Variants in MFAP3L observed in about 807,000 individuals in gnomAD.
The protein encoded by MFAP3L is microfibril associated protein 3 like, also known as microfibrillar-associated protein 3-like.
Under a neutral mutation model 20.0 loss-of-function variants are expected in MFAP3L, and 5 were observed. The observed-to-expected ratio is 0.25, with a 90% CI of 0.13 to 0.53. The LOEUF (loss-of-function observed/expected upper bound fraction) is 0.53, where lower values mean the gene tolerates loss of function less well. Ranked by LOEUF, MFAP3L falls within the 20% of genes least tolerant of loss-of-function variation. The pLI is 0.96. For missense variants in MFAP3L, 409 were observed against 527.5 expected (o/e 0.78, Z 2.20); for synonymous variants, 219 against 213.0 (o/e 1.03, Z -0.25).
chr4:170,018,276 C>G (rs575980374), intron 1 of MFAP3L, among the ~76,000 whole-genome samples: 1 of 152,130 alleles, frequency 6.6e-6, no homozygotes, highest in African/African-American at 2.4e-5. Flanking sequence ...GAAAGAAACA[C>G]GGCACGCAAG....
chr4:170,019,013 A>T (rs1739869628), intron 1 of MFAP3L, among the ~76,000 whole-genome samples: 1 of 152,236 alleles, frequency 6.6e-6, no homozygotes, highest in Admixed American at 6.5e-5. Flanking sequence ...CATCCTGGGC[A>T]GTAAAGACCT....
chr4:170,022,779 G>A lies in MFAP3L; in HGVS notation c.-134+3455C>T, dbSNP rs183584393. Among the ~76,000 whole-genome samples the A allele has an allele frequency of 2.7e-3, 414 of 152,268 alleles. 1 individual carries two copies. Among genetic ancestry groups the A allele is most frequent in the Non-Finnish European group, 4.4e-3 (297 of 68,026 alleles). On this transcript the variant is annotated intron_variant, in intron 1 of 2. Coordinates refer to ENST00000361618, the MANE Select transcript of MFAP3L (RefSeq NM_021647.8). ...AAGACGGATGGGGCTACAAAACAAGGAATGGGGGTGGCCTCTAGAAGGTGG... is the reference window on the plus strand; with the variant it reads ...AAGACGGATGGGGCTACAAAACAAGAAATGGGGGTGGCCTCTAGAAGGTGG...
Position 169,987,762 on chromosome 4 carries a change from A to T in MFAP3L, c.*3616T>A, listed in dbSNP as rs1160837906. 6.6e-6 allele frequency: 1 copy of T among 152,198 alleles called. No individual in the cohort carries two copies. Among genetic ancestry groups the T allele is most frequent in the African/African-American group, 2.4e-5 (1 of 41,436 alleles). The allele number at this position is 152,198 out of a possible 1,614,324, so 9.4% of individuals were successfully genotyped here. On this transcript the variant is annotated 3_prime_UTR_variant, in exon 3 of 3. Transcript: ENST00000361618. ...AGCAGATCCTAGATCACCAATAAATAAAGATCCAAGCATGAGACTTGAAAC... is the reference window on the plus strand; with the variant it reads ...AGCAGATCCTAGATCACCAATAAATTAAGATCCAAGCATGAGACTTGAAAC...
In MFAP3L at chr4:170,005,946, C is replaced by T; in HGVS notation, c.-69G>A. 3.2e-6 allele frequency: 5 copies of T among 1,538,934 alleles called. No homozygotes were observed. The highest frequency in any genetic ancestry group is 1.2e-5 in the South Asian group (1 of 80,154). ...ACCGAATCTTCTATCAGACAACACA[C>T]TGTTCACAGCAGGTCATGGGACAAA... On this transcript the variant is annotated 5_prime_UTR_variant, in exon 2 of 3. In the 5' UTR this introduces an upstream ATG that the reference lacks. Transcript: ENST00000361618.
At position 169,989,298 on chromosome 4, in the gene MFAP3L, AAG is replaced by A. The variant is rs2110888865; in HGVS notation, c.*2078_*2079del. 6.6e-6 allele frequency: 1 copy of A among 152,306 alleles called. No homozygotes were observed. Among genetic ancestry groups the A allele is most frequent in the East Asian group, 1.9e-4 (1 of 5,176 alleles). 9.4% of individuals were successfully genotyped at this position (152,306 alleles called of 1,614,324 possible). Reference sequence around the variant, plus strand: ...AGAAGTCAACAGTTCAGTCCTTTTCAAGAGATGTCTCATCAAACTCCATGACT... The same window carrying A: ...AGAAGTCAACAGTTCAGTCCTTTTCAAGATGTCTCATCAAACTCCATGACT... On this transcript the variant is annotated 3_prime_UTR_variant, in exon 3 of 3. Transcript: ENST00000361618.
chr4:169,994,096 C>CA, intron 2 of MFAP3L: 1 of 898,302 alleles, frequency 1.1e-6, no homozygotes, highest in Non-Finnish European at 1.3e-6. Flanking sequence ...CAGGCATGGA[C>CA]AAAAACAGAA....
Position 169,992,354 on chromosome 4 carries a change from C to G in MFAP3L, c.299-45G>C, listed in dbSNP as rs755532700. 1.6e-5 allele frequency: 23 copies of G among 1,468,222 alleles called. No homozygotes were observed. The highest frequency in any genetic ancestry group is 2.1e-5 in the Non-Finnish European group (22 of 1,071,040). 90.9% of individuals were successfully genotyped at this position (1,468,222 alleles called of 1,614,324 possible). A position where few individuals can be genotyped will look rare whatever the true frequency, so the allele number is the denominator to read the frequency against. On this transcript the variant is annotated intron_variant, in intron 2 of 2. Coordinates refer to ENST00000361618, the MANE Select transcript of MFAP3L (RefSeq NM_021647.8). This position sits in a 1 kb window ranked among gnomAD's most constrained non-coding sequence, Gnocchi z 4.3. ...AGAATTCAACCAAGGACACAGAGCT[C>G]CCATGACTACAAACTGATACGTTTC...
intron 1 of MFAP3L, chr4:170,006,506 C>T (rs1379873076): frequency 6.6e-6 from 1 of 152,108 alleles, no homozygotes; most frequent in Non-Finnish European, 1.5e-5. Flanking sequence ...TTTTTGCTAT[C>T]AAAACATATA....
At chr4:169,995,944 C>T (rs1032954155) in intron 2 of MFAP3L, among the ~76,000 whole-genome samples, 5 of 152,148 alleles carry the variant, frequency 3.3e-5, no homozygotes, top group Non-Finnish European at 5.9e-5. Context: ...AAGACTCTCA[C>T]GTTCTTCCTG....
chr4:170,014,838 C>T (rs1739598882), intron 1 of MFAP3L, among the ~76,000 whole-genome samples: 1 of 152,160 alleles, frequency 6.6e-6, no homozygotes, highest in South Asian at 2.1e-4. Context: ...AGGGTAATTT[C>T]ACATACAATC....
chr4:170,014,034 G>T (rs1353622970), intron 1 of MFAP3L, among the ~76,000 whole-genome samples: 1 of 152,178 alleles, frequency 6.6e-6, no homozygotes, highest in Admixed American at 6.5e-5. Context: ...ACATCAGAGG[G>T]TTACAATGCT....
chr4:169,992,903 G>T lies in MFAP3L; in HGVS notation c.299-594C>A, dbSNP rs1255446151. 6.6e-6 allele frequency among the ~76,000 whole-genome samples: 1 copy of T among 152,154 alleles called. No individual in the cohort carries two copies. On this transcript the variant is annotated intron_variant, in intron 2 of 2. Coordinates refer to ENST00000361618, the MANE Select transcript of MFAP3L (RefSeq NM_021647.8). This position sits in a 1 kb window ranked among gnomAD's most constrained non-coding sequence, Gnocchi z 4.3. Reference sequence around the variant, plus strand: ...AAACATAATTTGTATCATTCATTTTGAGACTCCACAGTGAATTATCTATAC... The same window carrying T: ...AAACATAATTTGTATCATTCATTTTTAGACTCCACAGTGAATTATCTATAC...
Sources: allele counts gnomAD v4.1 joint callset (sites outside exome capture counted in the v4.1 genomes callset), GRCh38; gene constraint gnomAD v4.1.1; non-coding constraint Gnocchi (gnomAD v3.1); transcripts MANE v1.5; gene names NCBI Gene and HGNC (gene_info 2026-07-23, HGNC 2026-07-21).